Variants in METTL21A observed in about 807,000 individuals in gnomAD.
METTL21A encodes protein N-lysine methyltransferase METTL21A.
METTL21A carries 22 observed loss-of-function variants against 20.9 expected under a neutral mutation model. That is an observed-to-expected ratio of 1.05 (90% confidence interval 0.75 to 1.50). METTL21A has a LOEUF of 1.50. Among genes scored for constraint, METTL21A ranks in the 40% most tolerant of loss-of-function variants. METTL21A has a pLI of 0.00. For synonymous variants in METTL21A, 93 were observed against 102.0 expected (o/e 0.91, Z 0.53); for missense variants, 271 against 266.8 (o/e 1.02, Z -0.11).
chr2:207,583,550 T>C (rs1346338826), intron 3 of METTL21A, among the ~76,000 whole-genome samples: 2 of 152,254 alleles, frequency 1.3e-5, no homozygotes, highest in Non-Finnish European at 2.9e-5. Context: ...TGCTGTTTTC[T>C]AAAGTTACTT....
At position 207,582,295 on chromosome 2, in the gene METTL21A, A is replaced by G. The variant is rs948741634; in HGVS notation, c.260-135T>C. ...CTTTAAAGTTTTGCCCACCAGTTTTAGAATTCATCAGTAAATCTTGTCTAC... is the reference window on the plus strand; with the variant it reads ...CTTTAAAGTTTTGCCCACCAGTTTTGGAATTCATCAGTAAATCTTGTCTAC... On this transcript the variant is annotated intron_variant, in intron 3 of 3. Transcript: ENST00000425132. 30 of 623,666 alleles carry G rather than the reference A, an allele frequency of 4.8e-5. No individual in the cohort carries two copies. The Admixed American group carries it at 5.6e-4, about 12-fold the overall frequency. The allele number at this position is 623,666 out of a possible 1,614,324, so 38.6% of individuals were successfully genotyped here. A position where few individuals can be genotyped will look rare whatever the true frequency, so the allele number is the denominator to read the frequency against.
At chr2:207,584,598 C>T (rs547383932) in intron 3 of METTL21A, among the ~76,000 whole-genome samples, 2 of 152,234 alleles carry the variant, frequency 1.3e-5, no homozygotes, top group African/African-American at 4.8e-5. Context: ...GACAGGGTTT[C>T]GCCATGTTGG....
exon 2 of METTL21A, chr2:207,624,263 C>T (rs750765168): frequency 9.9e-6 from 16 of 1,613,120 alleles, no homozygotes; most frequent in Non-Finnish European, 1.4e-5. Flanking sequence ...TCCCAGGTGT[C>T]TCCAGTCCTG....
At chr2:207,603,250 A>G (rs2106645247) in intron 3 of METTL21A, 2 of 220,982 alleles carry the variant, frequency 9.1e-6, no homozygotes, top group East Asian at 1.3e-4. Flanking sequence ...CTATGTACAT[A>G]ATAGCTGCTT....
chr2:207,591,462 T>A (rs191184227), intron 3 of METTL21A, among the ~76,000 whole-genome samples: 1 of 152,250 alleles, frequency 6.6e-6, no homozygotes, highest in Non-Finnish European at 1.5e-5. Flanking sequence ...AATCTTGCTC[T>A]GTTGCCCAGG....
chr2:207,618,923 A>G (rs1282500460), intron 3 of METTL21A, among the ~76,000 whole-genome samples: 1 of 152,104 alleles, frequency 6.6e-6, no homozygotes, highest in African/African-American at 2.4e-5. Flanking sequence ...TGAGAGTCAG[A>G]TTGGATTCAA....
At chr2:207,613,539 T>C (rs764117120) in intron 3 of METTL21A, 96 bp from the exon 4 acceptor site, 1 of 1,123,690 alleles carries the variant, frequency 8.9e-7, no homozygotes, top group Non-Finnish European at 1.3e-6. Context: ...CTCTTAAATA[T>C]TGCATCTGAT....
intron 3 of METTL21A, among the ~76,000 whole-genome samples, chr2:207,591,649 T>C (rs1156636696): frequency 6.6e-6 from 1 of 152,158 alleles, no homozygotes; most frequent in Non-Finnish European, 1.5e-5. Flanking sequence ...GCCAGGCTGG[T>C]CTCAAACTCC....
chr2:207,590,474 AT>A (rs1189242706), intron 3 of METTL21A, among the ~76,000 whole-genome samples: 2 of 149,082 alleles, frequency 1.3e-5, no homozygotes, highest in Admixed American at 6.7e-5. Context: ...GATCTTTGTT[AT>A]TTTCTCCTGC....
Position 207,614,979 on chromosome 2 carries a change from A to G in METTL21A, c.260-1536T>C, listed in dbSNP as rs553073812. Among the ~76,000 whole-genome samples, 15 of 152,284 alleles carry G rather than the reference A, an allele frequency of 9.9e-5. No individual in the cohort carries two copies. The East Asian group carries it at 1.9e-3, about 20-fold the overall frequency. ...AAGCACTATTTCAGTGGCAGCTGAT[A>G]CTCAGTGTTTCTTATCTTGACACAT... is the stretch of plus-strand genomic sequence containing the variant. On this transcript the variant is annotated intron_variant, in intron 3 of 3. Coordinates refer to ENST00000406927, the Ensembl canonical transcript of METTL21A.
chr2:207,624,510 AAAG>A, intron 1 of METTL21A, 106 bp from the exon 2 acceptor site: 1 of 998,318 alleles, frequency 1.0e-6, no homozygotes, highest in East Asian at 3.0e-5. Flanking sequence ...CAAAAGAAAA[AAAG>A]AAACAGGTGG....
chr2:207,583,796 A>G (rs946749376), intron 3 of METTL21A, among the ~76,000 whole-genome samples: 2 of 152,238 alleles, frequency 1.3e-5, no homozygotes, highest in Admixed American at 1.3e-4. Flanking sequence ...GTTAACTAAC[A>G]GTTATATAAT....
chr2:207,593,719 C>CTT (rs5838079), intron 3 of METTL21A, among the ~76,000 whole-genome samples: 5 of 102,656 alleles, frequency 4.9e-5, no homozygotes, highest in African/African-American at 1.1e-4. Flanking sequence ...TCCTCACAAA[C>CTT]TTTTTTTTTT....
At chr2:207,590,895 T>A (rs1041065474) in intron 3 of METTL21A, among the ~76,000 whole-genome samples, 3 of 152,224 alleles carry the variant, frequency 2.0e-5, no homozygotes, top group Admixed American at 6.5e-5. Context: ...TTGGTTTAGC[T>A]GTGTCCCACA....
intron 3 of METTL21A, chr2:207,599,313 T>C (rs529477336): frequency 9.6e-6 from 2 of 207,362 alleles, no homozygotes; most frequent in African/African-American, 4.5e-5. Flanking sequence ...TGTTCACAAG[T>C]TGGAATTATT....
chr2:207,618,656 C>G (rs2361239), intron 3 of METTL21A, among the ~76,000 whole-genome samples: 4 of 151,746 alleles, frequency 2.6e-5, no homozygotes, highest in African/African-American at 9.7e-5. Flanking sequence ...TGAAGTGAGC[C>G]GAGATCGCAC....
At chr2:207,600,248 T>G (rs2086819948) in intron 3 of METTL21A, 1 of 162,714 alleles carries the variant, frequency 6.1e-6, no homozygotes, top group Non-Finnish European at 1.3e-5. Context: ...CATATATATA[T>G]ATATATATAT....
At chr2:207,607,010 G>A (rs1020158188), downstream of METTL21A, among the ~76,000 whole-genome samples, 9 of 152,056 alleles carry the variant, frequency 5.9e-5, no homozygotes, top group Non-Finnish European at 8.8e-5. Flanking sequence ...TAGGCATATG[G>A]TAACTCATCT....
intron 3 of METTL21A, among the ~76,000 whole-genome samples, chr2:207,586,227 G>A (rs1262603050): frequency 6.6e-6 from 1 of 152,124 alleles, no homozygotes; most frequent in African/African-American, 2.4e-5. Context: ...ACATAGTATT[G>A]ATATAAAAAC....
Sources: allele counts gnomAD v4.1 joint callset (sites outside exome capture counted in the v4.1 genomes callset), GRCh38; gene constraint gnomAD v4.1.1; transcripts MANE v1.5; gene names NCBI Gene and HGNC (gene_info 2026-07-23, HGNC 2026-07-21).